Variants in CCDC191 observed in about 807,000 individuals in gnomAD.
The protein encoded by CCDC191 is coiled-coil domain-containing protein 191.
In CCDC191, 99 loss-of-function variants were observed where a neutral mutation model predicts 114.0. The ratio of observed to expected loss-of-function variants is 0.87; its 90% CI spans 0.74 to 1.03. The LOEUF is 1.03. CCDC191 is among the 50% of genes least tolerant of loss of function. CCDC191 has a pLI of 0.00. For synonymous variants in CCDC191, 351 were observed against 376.0 expected, an observed-to-expected ratio of 0.93 and a Z score of 0.77; for missense variants, 973 against 1,087.0, an observed-to-expected ratio of 0.90 and a Z score of 1.47.
At chr3:113,967,748 C>T (rs1021405103) in intron 16 of CCDC191, among the ~76,000 whole-genome samples, 1 of 152,156 alleles carries the variant, frequency 6.6e-6, no homozygotes, top group Non-Finnish European at 1.5e-5. Context: ...TTCTATCTAA[C>T]TGTATATTGT....
intron 6 of CCDC191, among the ~76,000 whole-genome samples, chr3:114,032,122 C>T (rs1188302768): frequency 6.6e-6 from 1 of 151,952 alleles, no homozygotes; most frequent in Non-Finnish European, 1.5e-5. Flanking sequence ...TAAATTATCT[C>T]CCATAGAACG....
intron 13 of CCDC191, among the ~76,000 whole-genome samples, chr3:113,998,808 A>G (rs1389360898): frequency 1.3e-5 from 2 of 152,310 alleles, no homozygotes; most frequent in South Asian, 4.1e-4. Flanking sequence ...CAGTGATTCT[A>G]CTAAAACCAC....
At chr3:114,021,074 T>C (rs2076237315) in intron 7 of CCDC191, among the ~76,000 whole-genome samples, 1 of 152,064 alleles carries the variant, frequency 6.6e-6, no homozygotes, top group African/African-American at 2.4e-5. Flanking sequence ...ACTGAAACAT[T>C]CCAGCATCCT....
At position 113,992,727 on chromosome 3, in the gene CCDC191, T is replaced by TAA. The variant is rs112780146; in HGVS notation, c.2163+8866_2163+8867dup. On this transcript the variant is annotated intron_variant, in intron 13 of 16. Coordinates refer to ENST00000295878, the MANE Select transcript of CCDC191 (RefSeq NM_020817.2). ...ACGTACCCTAAAACTTAAAGTATAA[T>TAA]AAAAAAAAAGAATTAATGCCAATTC... Among the ~76,000 whole-genome samples the TAA allele has an allele frequency of 5.1e-3, 771 of 150,886 alleles. 6 individuals carry two copies. Among genetic ancestry groups the TAA allele is most frequent in the African/African-American group, 0.017 (699 of 41,134 alleles).
Position 113,987,129 on chromosome 3 carries a change from GAA to G in CCDC191, c.2164-6338_2164-6337del, listed in dbSNP as rs56971862. On this transcript the variant is annotated intron_variant, in intron 13 of 16. Coordinates refer to ENST00000295878, the MANE Select transcript of CCDC191 (RefSeq NM_020817.2). ...GAGTAACATCATTAAGGTGTTGAAAGAAAAAAAAAAAAAACACCTGTCAACCC... is the reference window on the plus strand; with the variant it reads ...GAGTAACATCATTAAGGTGTTGAAAGAAAAAAAAAAAACACCTGTCAACCC... Among the ~76,000 whole-genome samples, 222 of 139,148 alleles carry G rather than the reference GAA, an allele frequency of 1.6e-3. 1 individual carries two copies. The highest frequency in any genetic ancestry group is 7.3e-3 in the East Asian group (35 of 4,808). The allele number at this position is 139,148 out of a possible 152,430, so 91.3% of individuals were successfully genotyped here.
chr3:114,045,326 TTC>T (rs1039823863), intron 3 of CCDC191, among the ~76,000 whole-genome samples: 1 of 152,130 alleles, frequency 6.6e-6, no homozygotes, highest in African/African-American at 2.4e-5. Context: ...GGTTGCCCTT[TTC>T]TCTCTTTTTC....
intron 13 of CCDC191, among the ~76,000 whole-genome samples, chr3:113,982,525 C>T (rs904444417): frequency 6.6e-6 from 1 of 151,912 alleles, no homozygotes; most frequent in African/African-American, 2.4e-5. Flanking sequence ...TTTCATAGAA[C>T]ACAGATCACT....
intron 16 of CCDC191, among the ~76,000 whole-genome samples, chr3:113,977,245 T>C (rs985926621): frequency 6.6e-6 from 1 of 152,074 alleles, no homozygotes; most frequent in African/African-American, 2.4e-5. Context: ...TGCAGTATCA[T>C]GCCACTGCAC....
intron 16 of CCDC191, among the ~76,000 whole-genome samples, chr3:113,965,783 C>T (rs6767720): frequency 0.11 from 16,674 of 151,668 alleles, 1,119 homozygotes; most frequent in Admixed American, 0.18. Context: ...TTATTGGAGA[C>T]GGGGTTTCAC....
intron 9 of CCDC191, among the ~76,000 whole-genome samples, chr3:114,008,748 A>T (rs989771823): frequency 1.3e-5 from 2 of 152,182 alleles, no homozygotes; most frequent in South Asian, 4.1e-4. Flanking sequence ...TAAGAAAAAG[A>T]TATCAAATAG....
At chr3:114,049,092 A>G (rs918060753) in intron 2 of CCDC191, among the ~76,000 whole-genome samples, 6 of 152,364 alleles carry the variant, frequency 3.9e-5, no homozygotes, top group Non-Finnish European at 8.8e-5. Flanking sequence ...AGAGGAATAA[A>G]GCTGAAAAGT....
chr3:114,052,447 C>T (rs1038502268), intron 2 of CCDC191, among the ~76,000 whole-genome samples: 6 of 152,264 alleles, frequency 3.9e-5, no homozygotes, highest in Non-Finnish European at 5.9e-5. Flanking sequence ...GCTAGTCTTA[C>T]TAGATAGAGG....
At position 113,964,199 on chromosome 3, in the gene CCDC191, G is replaced by C. The variant is rs999358162; in HGVS notation, c.*956C>G. 2 of 152,170 alleles carry C rather than the reference G, an allele frequency of 1.3e-5. No individual in the cohort carries two copies. Among genetic ancestry groups the C allele is most frequent in the Middle Eastern group, 3.2e-3 (1 of 316 alleles). The allele number at this position is 152,170 out of a possible 1,614,324, so 9.4% of individuals were successfully genotyped here. ...CAAATTTTCAGCACACCAAATAAGA[G>C]TAATCATCTCAGGACTGCACAGGAC... On this transcript the variant is annotated 3_prime_UTR_variant, in exon 17 of 17. Coordinates refer to ENST00000295878, the MANE Select transcript of CCDC191 (RefSeq NM_020817.2).
intron 9 of CCDC191, among the ~76,000 whole-genome samples, chr3:114,007,483 T>G (rs965267182): frequency 6.6e-6 from 1 of 152,190 alleles, no homozygotes; most frequent in Non-Finnish European, 1.5e-5. Flanking sequence ...GAACACTTAT[T>G]CATGAGAACA....
Position 114,010,768 on chromosome 3 carries a change from G to C in CCDC191, c.1413+4C>G, listed in dbSNP as rs777655355. 1 of 1,601,916 alleles carries C rather than the reference G, an allele frequency of 6.2e-7. No individual in the cohort carries two copies. The highest frequency in any genetic ancestry group is 1.1e-5 in the South Asian group (1 of 90,050). On this transcript the variant is annotated splice_donor_region_variant and intron_variant, in intron 9 of 16. Transcript: ENST00000295878. The stretch of plus-strand genomic sequence containing the variant: ...GTGTTTACTAAGCAGGAAAAACAAC[G>C]TACCTGTCCATTTTTTACTGGTGGA...
At chr3:114,026,369 A>G (rs1299805469) in intron 7 of CCDC191, among the ~76,000 whole-genome samples, 1 of 152,258 alleles carries the variant, frequency 6.6e-6, no homozygotes, top group East Asian at 1.9e-4. Context: ...TAATGCTTTA[A>G]ACCCCTCCCA....
At chr3:113,998,988 G>A (rs1042828173) in intron 13 of CCDC191, among the ~76,000 whole-genome samples, 9 of 152,152 alleles carry the variant, frequency 5.9e-5, no homozygotes, top group Admixed American at 4.6e-4. Context: ...TGGATTGATC[G>A]AACAATGGAA....
intron 16 of CCDC191, among the ~76,000 whole-genome samples, chr3:113,966,839 C>T (rs962955392): frequency 6.6e-6 from 1 of 152,098 alleles, no homozygotes; most frequent in Non-Finnish European, 1.5e-5. Context: ...TGGGTCACAC[C>T]TGTAATCCCA....
intron 11 of CCDC191, chr3:114,004,386 C>T: frequency 9.6e-7 from 1 of 1,036,774 alleles, no homozygotes; most frequent in Non-Finnish European, 1.2e-6. Context: ...AAATGATATA[C>T]CTTTCAGCTA....
Sources: gnomAD v4.1 joint callset for allele counts (sites outside exome capture counted in the v4.1 genomes callset) on GRCh38, gnomAD v4.1.1 for gene constraint, MANE v1.5 for transcripts, NCBI Gene and HGNC (gene_info 2026-07-23, HGNC 2026-07-21) for gene names.